Variants in CYP4A11 observed in about 807,000 individuals in gnomAD.
CYP4A11 encodes cytochrome P450 family 4 subfamily A member 11.
In CYP4A11, 52 loss-of-function variants were observed where a neutral mutation model predicts 57.7. The ratio of observed to expected loss-of-function variants is 0.90; its 90% confidence interval spans 0.72 to 1.14. The LOEUF (loss-of-function observed/expected upper bound fraction) is 1.14, where lower values mean the gene tolerates loss of function less well. Ranked by LOEUF, CYP4A11 falls within the 50% of genes most tolerant of loss-of-function variation. CYP4A11 has a pLI of 0.00. For synonymous variants in CYP4A11, 228 were observed against 247.1 expected (o/e 0.92, Z 0.72); for missense variants, 641 against 642.1 (o/e 1.00, Z 0.02).
intron 1 of CYP4A11, among the ~76,000 whole-genome samples, chr1:46,938,425 G>A (rs1192967368): frequency 6.6e-6 from 1 of 152,204 alleles, no homozygotes; most frequent in African/African-American, 2.4e-5. Flanking sequence ...CATGGGCAAT[G>A]TGTATAACTC....
intron 10 of CYP4A11, 35 bp downstream of exon 10, chr1:46,932,948 G>T (rs754397659): frequency 1.2e-6 from 2 of 1,614,102 alleles, no homozygotes; most frequent in African/African-American, 1.3e-5. Flanking sequence ...GGTCTTGAGG[G>T]ATCACCTCAT....
At chr1:46,931,871 G>C in intron 11 of CYP4A11, 1 of 937,140 alleles carries the variant, frequency 1.1e-6, no homozygotes, top group Non-Finnish European at 1.3e-6. Context: ...ATGCCACAAT[G>C]ATCTCCACCG....
intron 2 of CYP4A11, 73 bp from the exon 3 acceptor site, chr1:46,937,419 C>G (rs1208471850): frequency 2.6e-6 from 4 of 1,514,302 alleles, no homozygotes; most frequent in Non-Finnish European, 3.7e-6. Context: ...TGCATCAATT[C>G]TTGGTGTCTG....
chr1:46,937,243 CAAAT>C (rs1681465270), intron 3 of CYP4A11, 55 bp downstream of exon 3: 1 of 1,580,910 alleles, frequency 6.3e-7, no homozygotes, highest in African/African-American at 1.4e-5. Context: ...CTCTGTGAGC[CAAAT>C]AAATAACTCA....
At position 46,934,156 on chromosome 1, in the gene CYP4A11, T is replaced by C; in HGVS notation, c.1088+20A>G. 6.2e-7 allele frequency: 1 copy of C among 1,612,352 alleles called. No homozygotes were observed. On this transcript the variant is annotated intron_variant, in intron 8 of 11. Coordinates refer to ENST00000310638, the MANE Select transcript of CYP4A11 (RefSeq NM_000778.4). Reference sequence around the variant, plus strand: ...CCTGTGGAGAAGGCAGGGAACCCCATCTTTTGAGCCCTCACTCACCAGGTG... The same window carrying C: ...CCTGTGGAGAAGGCAGGGAACCCCACCTTTTGAGCCCTCACTCACCAGGTG...
At chr1:46,937,866 T>G in intron 2 of CYP4A11, 130 bp downstream of exon 2, 6 of 1,389,220 alleles carry the variant, frequency 4.3e-6, no homozygotes, top group Non-Finnish European at 5.9e-6. Context: ...CATGGTGGGC[T>G]TGGTGGATGC....
rs143018352 is a variant in CYP4A11 at position 46,935,633 on chromosome 1, C to T, written c.525G>A (p.Glu175=). The change falls in exon 5 of 12, where the codon GAG becomes GAA. Residue 175 remains glutamate, a synonymous_variant. Transcript: ENST00000310638. ...CCAGAGGGGAATCCTGGCCAAGGAGCTCTTCCCATTTGTCCTGTGGTGGGA... is the reference window on the plus strand; with the variant it reads ...CCAGAGGGGAATCCTGGCCAAGGAGTTCTTCCCATTTGTCCTGTGGTGGGA... ...SVRVMLDKWE[E]LLGQDSPLEV... is the part of the protein sequence containing the mutation. The T allele has an allele frequency of 4.4e-4, 712 of 1,613,756 alleles. 1 individual carries two copies. The highest frequency in any genetic ancestry group is 6.3e-4 in the Admixed American group (38 of 59,996).
Position 46,935,099 on chromosome 1 carries a change from G to A in CYP4A11, c.691C>T (p.Arg231Cys), listed in dbSNP as rs750238866. ...ISDLNNLVFS[R>C]VRNAFHQNDT... is the part of the protein sequence containing the mutation. The stretch of plus-strand genomic sequence containing the variant: ...TTCTGGTGAAAGGCATTCCTCACAC[G>A]GGAAAAAACCAGGTTGTTCAGGTCA... Residue 231 changes from arginine to cysteine, a missense_variant, in exon 6 of 12, where the codon CGT becomes TGT. Arg to Cys is a radical substitution (Grantham distance 180). Transcript: ENST00000310638. 28 of 1,614,008 alleles carry A rather than the reference G, an allele frequency of 1.7e-5. No individual in the cohort carries two copies. Among genetic ancestry groups the A allele is most frequent in the East Asian group, 1.6e-4 (7 of 44,876 alleles).
chr1:46,930,809 G>A (rs1268366633), intron 11 of CYP4A11, among the ~76,000 whole-genome samples: 3 of 152,138 alleles, frequency 2.0e-5, no homozygotes, highest in Admixed American at 2.0e-4. Flanking sequence ...CAGAAGGGCA[G>A]TGGGAGGCTT....
Position 46,932,742 on chromosome 1 carries a change from A to G in CYP4A11, c.1364+19T>C. On this transcript the variant is annotated intron_variant, in intron 11 of 11. Transcript: ENST00000310638. ...CTTCCCTCATTCCTCTATTCGAATT[A>G]CCACACAGGACGTCTCACCTTGATC... 5.6e-6 allele frequency: 9 copies of G among 1,614,202 alleles called. No individual in the cohort carries two copies. Among genetic ancestry groups the G allele is most frequent in the Non-Finnish European group, 7.6e-6 (9 of 1,180,042 alleles).
chr1:46,932,277 A>G (rs1329718336), intron 11 of CYP4A11: 1 of 1,014,180 alleles, frequency 9.9e-7, no homozygotes, highest in Non-Finnish European at 1.2e-6. Context: ...CATCTGTATT[A>G]TAAACAGATG....
chr1:46,930,783 G>T (rs1045543784), intron 11 of CYP4A11, among the ~76,000 whole-genome samples: 4 of 152,078 alleles, frequency 2.6e-5, no homozygotes, highest in Non-Finnish European at 5.9e-5. Context: ...GGCCCCGATG[G>T]GTGTATTAAG....
intron 2 of CYP4A11, 38 bp downstream of exon 2, chr1:46,937,958 G>A: frequency 6.2e-7 from 1 of 1,612,226 alleles, no homozygotes; most frequent in Non-Finnish European, 8.5e-7. Flanking sequence ...TGTCAAGAGG[G>A]AAGACACATT....
intron 11 of CYP4A11, chr1:46,932,507 A>G: frequency 7.3e-7 from 1 of 1,377,648 alleles, no homozygotes; most frequent in South Asian, 1.7e-5. Context: ...GAAGTTTGGA[A>G]CATGCACTGA....
intron 5 of CYP4A11, 83 bp from the exon 6 acceptor site, chr1:46,935,237 T>A (rs1485021283): frequency 4.7e-6 from 7 of 1,496,088 alleles, no homozygotes; most frequent in Non-Finnish European, 6.4e-6. Context: ...GGAGGCAGCC[T>A]CGGATAATGG....
Position 46,935,486 on chromosome 1 carries a change from A to T in CYP4A11, c.635+37T>A, listed in dbSNP as rs1488545514. On this transcript the variant is annotated intron_variant, in intron 5 of 11. Coordinates refer to ENST00000310638, the MANE Select transcript of CYP4A11 (RefSeq NM_000778.4). ...TCAGGTATGTGCACTCCACTTGATA[A>T]GAACAAGGGCCCTGCAGCTGGAGGG... 5.1e-6 allele frequency: 8 copies of T among 1,563,930 alleles called. No individual in the cohort carries two copies. The Admixed American group carries it at 1.6e-4, about 32-fold the overall frequency.
Position 46,941,293 on chromosome 1 carries a change from G to T in CYP4A11, c.141C>A (p.Ala47=). ...AGGGAGGGCACGGGAACTGCTGGAG[G>T]GCTTTGAGCAGCCACTGCCTGTGCA... ...LYLHRQWLLK[A]LQQFPCPPSH... is the part of the protein sequence containing the mutation. Residue 47 remains alanine (A), a synonymous_variant, in exon 1 of 12, where the codon GCC becomes GCA. Transcript: ENST00000310638. 1 of 1,614,152 alleles carries T rather than the reference G, an allele frequency of 6.2e-7. No individual in the cohort carries two copies. Among genetic ancestry groups the T allele is most frequent in the Non-Finnish European group, 8.5e-7 (1 of 1,180,016 alleles).
chr1:46,936,349 C>T (rs1216898758), intron 4 of CYP4A11, among the ~76,000 whole-genome samples: 2 of 152,222 alleles, frequency 1.3e-5, no homozygotes, highest in African/African-American at 4.8e-5. Flanking sequence ...CATAGGAAGT[C>T]CTACTGTCCA....
At chr1:46,935,413 A>G (rs1681321369) in intron 5 of CYP4A11, 110 bp downstream of exon 5, 13 of 1,515,742 alleles carry the variant, frequency 8.6e-6, no homozygotes, top group African/African-American at 1.4e-5. Context: ...TCAGGGACTG[A>G]CTCTTCCTTT....
Sources: gnomAD v4.1 joint callset for allele counts (sites outside exome capture counted in the v4.1 genomes callset) on GRCh38, gnomAD v4.1.1 for gene constraint, MANE v1.5 for transcripts, NCBI Gene and HGNC (gene_info 2026-07-23, HGNC 2026-07-21) for gene names.